PLXNA4: variants seen among roughly 807,000 people sequenced by gnomAD.
PLXNA4 encodes plexin-A4.
In PLXNA4, 44 loss-of-function variants were observed where a neutral mutation model predicts 191.8. The ratio of observed to expected loss-of-function variants is 0.23; its 90% confidence interval spans 0.18 to 0.29. The LOEUF (loss-of-function observed/expected upper bound fraction) is 0.29. PLXNA4 is among the 10% of genes least tolerant of loss of function. The pLI is 1.00. For missense variants in PLXNA4, 1,800 were observed against 2,488.8 expected (o/e 0.72, Z 5.89); for synonymous variants, 1,082 against 1,009.5 (o/e 1.07, Z -1.36).
chr7:132,484,037 T>C (rs1331880986), intron 3 of PLXNA4, among the ~76,000 whole-genome samples: 1 of 152,152 alleles, frequency 6.6e-6, no homozygotes, highest in Non-Finnish European at 1.5e-5. Context: ...TGGAAAAAGA[T>C]AAGAAAAGAG....
intron 31 of PLXNA4, among the ~76,000 whole-genome samples, chr7:132,132,088 G>A (rs943500579): frequency 2.6e-5 from 4 of 152,368 alleles, no homozygotes; most frequent in Non-Finnish European, 5.9e-5. Context: ...GGATTCCAAG[G>A]ATGGCCAGAC....
intron 16 of PLXNA4, among the ~76,000 whole-genome samples, chr7:132,184,290 A>C (rs1479312394): frequency 6.6e-6 from 1 of 152,222 alleles, no homozygotes; most frequent in Non-Finnish European, 1.5e-5. Flanking sequence ...GCTGCCTATG[A>C]GAGTGGACAA....
chr7:132,562,283 C>CCTCCTCCTT (rs1248025288), intron 1 of PLXNA4, among the ~76,000 whole-genome samples: 1 of 130,980 alleles, frequency 7.6e-6, no homozygotes, highest in Non-Finnish European at 1.6e-5. Context: ...TCCTTCTCCT[C>CCTCCTCCTT]CTCCTCCTTC....
intron 3 of PLXNA4, among the ~76,000 whole-genome samples, chr7:132,396,891 T>C (rs1487628075): frequency 6.6e-6 from 1 of 152,262 alleles, no homozygotes; most frequent in Non-Finnish European, 1.5e-5. Context: ...AGGATGCTCG[T>C]TTCTTTAGGG....
intron 14 of PLXNA4, among the ~76,000 whole-genome samples, chr7:132,188,886 A>T (rs1794453076): frequency 6.7e-6 from 1 of 150,304 alleles, no homozygotes. Context: ...TTGTTCTGTA[A>T]CTTGCAGTAC....
At chr7:132,472,445 CT>C (rs1468690186) in intron 3 of PLXNA4, among the ~76,000 whole-genome samples, 1 of 152,130 alleles carries the variant, frequency 6.6e-6, no homozygotes, top group Non-Finnish European at 1.5e-5. Context: ...AAATGCAAAT[CT>C]TTAGAACAAG....
intron 14 of PLXNA4, among the ~76,000 whole-genome samples, chr7:132,190,524 G>A (rs1797051593): frequency 6.6e-6 from 1 of 152,240 alleles, no homozygotes; most frequent in Non-Finnish European, 1.5e-5. Context: ...GAGGCAGGGA[G>A]AGGTCCAGGG....
chr7:132,228,578 A>C, intron 5 of PLXNA4, 109 bp from the exon 6 acceptor site: 7 of 1,416,438 alleles, frequency 4.9e-6, no homozygotes, highest in Non-Finnish European at 6.7e-6. Flanking sequence ...GTCCAAACTC[A>C]ATGCGCCCAG....
intron 3 of PLXNA4, among the ~76,000 whole-genome samples, chr7:132,471,463 G>T (rs1169765994): frequency 6.6e-6 from 1 of 152,010 alleles, no homozygotes; most frequent in Non-Finnish European, 1.5e-5. Context: ...ATCCCTTCAT[G>T]GCCCAACTTC....
At position 132,419,320 on chromosome 7, in the gene PLXNA4, G is replaced by A. The variant is rs1372182763; in HGVS notation, c.1371+69972C>T. ...AGTTTAGCTTGGATCTGGGCTGCAG[G>A]AGCAGAGAACTGCTCCCTTGACCAC... On this transcript the variant is annotated intron_variant, in intron 3 of 31. Coordinates refer to ENST00000321063, the MANE Select transcript of PLXNA4 (RefSeq NM_020911.2). Among the ~76,000 whole-genome samples the A allele has an allele frequency of 2.0e-5, 3 of 152,284 alleles. No individual in the cohort carries two copies. The East Asian group carries it at 5.8e-4, about 29-fold the overall frequency.
intron 3 of PLXNA4, among the ~76,000 whole-genome samples, chr7:132,332,528 A>T (rs1260036927): frequency 6.6e-6 from 1 of 152,158 alleles, no homozygotes; most frequent in Non-Finnish European, 1.5e-5. Flanking sequence ...GGATTCCTAA[A>T]TCCCTCACTG....
intron 3 of PLXNA4, among the ~76,000 whole-genome samples, chr7:132,365,360 T>TGTGTGTGTGTGTGTGTGCGCGCGC: frequency 7.8e-6 from 1 of 128,828 alleles, no homozygotes; most frequent in South Asian, 2.4e-4. Context: ...TGTGTGTGTG[T>TGTGTGTGTGTGTGTGTGCGCGCGC]GCGTGCGCGC....
Position 132,489,476 on chromosome 7 carries a change from T to C in PLXNA4, c.1189-2A>G. 1 of 1,548,030 alleles carries C rather than the reference T, an allele frequency of 6.5e-7. No individual in the cohort carries two copies. The highest frequency in any genetic ancestry group is 8.8e-7 in the Non-Finnish European group (1 of 1,133,486). Reference sequence around the variant, plus strand: ...GAAGTTATCGTCAATGGTTAAGAGCTGCAAATTTTAAAAAGAGAAAAATTA... The same window carrying C: ...GAAGTTATCGTCAATGGTTAAGAGCCGCAAATTTTAAAAAGAGAAAAATTA... On this transcript the variant is annotated splice_acceptor_variant, in intron 2 of 31. Transcript: ENST00000321063. LOFTEE classifies it high-confidence loss of function.
At chr7:132,551,038 T>C (rs1352330680) in intron 1 of PLXNA4, among the ~76,000 whole-genome samples, 1 of 152,204 alleles carries the variant, frequency 6.6e-6, no homozygotes, top group African/African-American at 2.4e-5. Flanking sequence ...GACCCACTTC[T>C]GGGCCTCTGC....
intron 1 of PLXNA4, among the ~76,000 whole-genome samples, chr7:132,560,784 C>T (rs1233436894): frequency 3.3e-5 from 5 of 152,124 alleles, no homozygotes; most frequent in African/African-American, 9.7e-5. Flanking sequence ...TGCAGGACAA[C>T]CCCACTGCCC....
intron 3 of PLXNA4, among the ~76,000 whole-genome samples, chr7:132,462,819 T>C (rs976145450): frequency 5.4e-5 from 8 of 147,564 alleles, no homozygotes; most frequent in African/African-American, 7.5e-5. Context: ...TTTCCACAAA[T>C]AACACACATT....
chr7:132,544,717 T>A (rs376341485), intron 1 of PLXNA4, among the ~76,000 whole-genome samples: 2 of 152,224 alleles, frequency 1.3e-5, no homozygotes, highest in Non-Finnish European at 2.9e-5. Context: ...AATTATGGCT[T>A]TCTTGGCCTA....
intron 3 of PLXNA4, among the ~76,000 whole-genome samples, chr7:132,423,264 A>G (rs961317610): frequency 4.6e-5 from 7 of 152,186 alleles, no homozygotes; most frequent in African/African-American, 1.7e-4. Context: ...CCATATTTCT[A>G]TTTTGCACAA....
intron 1 of PLXNA4, among the ~76,000 whole-genome samples, chr7:132,551,192 G>A (rs1406050864): frequency 6.6e-6 from 1 of 152,168 alleles, no homozygotes; most frequent in Non-Finnish European, 1.5e-5. Context: ...TGCACACCCA[G>A]GTCCCCAGAG....
Sources: gnomAD v4.1 joint callset for allele counts (sites outside exome capture counted in the v4.1 genomes callset) on GRCh38, gnomAD v4.1.1 for gene constraint, MANE v1.5 for transcripts, NCBI Gene and HGNC (gene_info 2026-07-23, HGNC 2026-07-21) for gene names.